RNPEP: variants seen among roughly 807,000 people sequenced by gnomAD.
RNPEP encodes the protein aminopeptidase B.
In RNPEP, 57 loss-of-function variants were observed where a neutral mutation model predicts 70.1. That is an observed-to-expected ratio of 0.81 (90% CI 0.66 to 1.01). RNPEP has a LOEUF of 1.01. Among genes scored for constraint, RNPEP ranks in the 50% least tolerant of loss-of-function variants. The pLI is 0.00. For missense variants in RNPEP, 787 were observed against 852.4 expected, an observed-to-expected ratio of 0.92 and a Z score of 0.96; for synonymous variants, 335 against 357.4, an observed-to-expected ratio of 0.94 and a Z score of 0.71.
At chr1:201,995,510 C>T (rs946027398) in intron 3 of RNPEP, among the ~76,000 whole-genome samples, 1 of 148,780 alleles carries the variant, frequency 6.7e-6, no homozygotes. Context: ...TAGCGAAACC[C>T]TACCTCTACA....
In RNPEP at chr1:202,001,661, C is replaced by T; in HGVS notation, c.1320C>T (p.Ala440=). The part of the protein sequence containing the change: ...DQDQFDSFLK[A]YVHEFKFRSI... ...TAAAGAGCTTTCCCTCCTCACAGGC[C>T]TATGTGCATGAATTCAAATTCCGAA... Residue 440 remains alanine, a splice_region_variant and synonymous_variant, in exon 8 of 11, where the codon GCC becomes GCT. Coordinates refer to ENST00000295640, the MANE Select transcript of RNPEP (RefSeq NM_020216.4). 1 of 1,611,096 alleles carries T rather than the reference C, an allele frequency of 6.2e-7. No homozygotes were observed. The highest frequency in any genetic ancestry group is 1.1e-5 in the South Asian group (1 of 91,030).
chr1:201,989,285 A>C, intron 2 of RNPEP, 98 bp from the exon 3 acceptor site: 1 of 1,419,734 alleles, frequency 7.0e-7, no homozygotes, highest in Non-Finnish European at 9.7e-7. Context: ...ACTCCAGGCC[A>C]TTATCATCAC....
intron 3 of RNPEP, among the ~76,000 whole-genome samples, chr1:201,992,019 T>TCTCC (rs145553703): frequency 0.014 from 2,037 of 150,566 alleles, 58 homozygotes; most frequent in African/African-American, 0.047. Flanking sequence ...CTTGTGCCTT[T>TCTCC]CTCCCTCCCT....
chr1:201,986,354 C>T (rs747148880), intron 1 of RNPEP, among the ~76,000 whole-genome samples: 2 of 151,964 alleles, frequency 1.3e-5, no homozygotes, highest in Non-Finnish European at 2.9e-5. Flanking sequence ...CTTGACCTCC[C>T]GAAGTGCTGG....
rs1194963409 is a variant in RNPEP, at chr1:202,005,789, T to C, written c.*73T>C. ...GAATAATTGTTTGTTCCCAAATTCCTGTTCCCTGATCAACTTCCTGGAGTT... is the reference window on the plus strand; with the variant it reads ...GAATAATTGTTTGTTCCCAAATTCCCGTTCCCTGATCAACTTCCTGGAGTT... On this transcript the variant is annotated 3_prime_UTR_variant, in exon 11 of 11. Transcript: ENST00000295640. 47 of 1,541,494 alleles carry C rather than the reference T, an allele frequency of 3.0e-5. No homozygotes were observed. The highest frequency in any genetic ancestry group is 4.1e-5 in the Non-Finnish European group (46 of 1,119,102).
intron 8 of RNPEP, among the ~76,000 whole-genome samples, chr1:202,002,373 G>A (rs1030307103): frequency 1.4e-4 from 21 of 152,140 alleles, no homozygotes; most frequent in African/African-American, 4.8e-4. Flanking sequence ...TGTTGGTCAG[G>A]CTGGTCTCGA....
chr1:201,999,924 G>A lies in RNPEP; in HGVS notation c.1113G>A (p.Glu371=). 6.2e-7 allele frequency: 1 copy of A among 1,613,814 alleles called. No homozygotes were observed. Among genetic ancestry groups the A allele is most frequent in the Non-Finnish European group, 8.5e-7 (1 of 1,179,860 alleles). The stretch of plus-strand genomic sequence containing the variant: ...CAGGCGCTGCGTACACCTGCTTGGA[G>A]GCTGCAACGGGGCGGGCTCTGCTGC... ...ILFGAAYTCL[E]AATGRALLRQ... The change falls in exon 6 of 11, where the codon GAG becomes GAA. Residue 371 remains glutamate, a synonymous_variant. Coordinates refer to ENST00000295640, the MANE Select transcript of RNPEP (RefSeq NM_020216.4).
chr1:202,001,372 C>G lies in RNPEP; in HGVS notation c.1205-4C>G, dbSNP rs200993671. ...CAAATCTTGTCTGCTTTCTCCTCTGCCAGGCGTTGACCCGGACGACACCTA... is the reference window on the plus strand; with the variant it reads ...CAAATCTTGTCTGCTTTCTCCTCTGGCAGGCGTTGACCCGGACGACACCTA... On this transcript the variant is annotated splice_region_variant and splice_polypyrimidine_tract_variant and intron_variant, in intron 6 of 10. Transcript: ENST00000295640. The G allele has an allele frequency of 2.9e-5, 47 of 1,605,112 alleles. No individual in the cohort carries two copies. The East Asian group carries it at 8.0e-4, about 27-fold the overall frequency.
rs531873393 is a variant in RNPEP at position 201,989,135 on chromosome 1, T to C, written c.588+91T>C. 1.3e-3 allele frequency: 1,916 copies of C among 1,486,718 alleles called. 3 individuals carry two copies. Among genetic ancestry groups the C allele is most frequent in the Admixed American group, 2.2e-3 (105 of 48,466 alleles). The allele number at this position is 1,486,718 out of a possible 1,614,324, so 92.1% of individuals were successfully genotyped here. A position where few individuals can be genotyped will look rare whatever the true frequency, so the allele number is the denominator to read the frequency against. The stretch of plus-strand genomic sequence containing the variant: ...AGGTCACGTTTCAGTGGTAAATTAT[T>C]ATATCCATTCAGTGGTACTTCTGAA... On this transcript the variant is annotated intron_variant, in intron 2 of 10. Coordinates refer to ENST00000295640, the MANE Select transcript of RNPEP (RefSeq NM_020216.4).
chr1:201,983,219 C>A, intron 1 of RNPEP, 106 bp downstream of exon 1: 2 of 1,423,594 alleles, frequency 1.4e-6, no homozygotes, highest in Non-Finnish European at 1.8e-6. Flanking sequence ...AGGGAGGACC[C>A]TTCCAGAGCG....
chr1:202,004,613 C>A, intron 10 of RNPEP, 117 bp downstream of exon 10: 2 of 1,267,740 alleles, frequency 1.6e-6, no homozygotes, highest in Non-Finnish European at 2.2e-6. Context: ...GAGGGAGGGG[C>A]AAATGACCTG....
At chr1:201,988,839 C>A in intron 1 of RNPEP, 65 bp from the exon 2 acceptor site, 2 of 1,527,050 alleles carry the variant, frequency 1.3e-6, no homozygotes, top group Admixed American at 2.1e-5. Flanking sequence ...AGCCAGCTCA[C>A]TTCTCTGGCC....
In RNPEP at chr1:201,989,393, G is replaced by A. The variant is rs1683242247; in HGVS notation, c.599G>A (p.Gly200Asp). The A allele has an allele frequency of 6.2e-7, 1 of 1,613,992 alleles. No homozygotes were observed. Among genetic ancestry groups the A allele is most frequent in the Non-Finnish European group, 8.5e-7 (1 of 1,179,986 alleles). The change falls in exon 3 of 11, where the codon GGC (glycine) becomes GAC (aspartate). Residue 200 changes from glycine to aspartate, a missense_variant. Transcript: ENST00000295640. The stretch of plus-strand genomic sequence containing the variant: ...TTTCTCTGTTGTCAGGTCCCAGATG[G>A]CTTCACAGCTGTGATGAGTGCTAGC... The part of the protein sequence containing the change: ...KYSALIEVPD[G>D]FTAVMSASTW...
intron 1 of RNPEP, among the ~76,000 whole-genome samples, chr1:201,988,517 T>C (rs1683214553): frequency 6.6e-6 from 1 of 151,898 alleles, no homozygotes; most frequent in Non-Finnish European, 1.5e-5. Flanking sequence ...TGAGTTCTGC[T>C]TTTCTGTGTC....
chr1:201,982,761 G>T lies in RNPEP; in HGVS notation c.95G>T (p.Arg32Leu). 7.3e-7 allele frequency: 1 copy of T among 1,366,198 alleles called. No individual in the cohort carries two copies. Among genetic ancestry groups the T allele is most frequent in the Admixed American group, 3.9e-5 (1 of 25,364 alleles). The allele number at this position is 1,366,198 out of a possible 1,614,324, so 84.6% of individuals were successfully genotyped here. A position where few individuals can be genotyped will look rare whatever the true frequency, so the allele number is the denominator to read the frequency against. The change falls in exon 1 of 11, where the codon CGG (arginine) becomes CTG (leucine). Residue 32 changes from arginine to leucine, a missense_variant. Coordinates refer to ENST00000295640, the MANE Select transcript of RNPEP (RefSeq NM_020216.4). ...GACGTGGCCTCGGCCTCCAACTTCC[G>T]GGCCTTTGAGCTGCTGCACTTGCAC... is the stretch of plus-strand genomic sequence containing the variant. ...AVDVASASNF[R>L]AFELLHLHLD...
In RNPEP at chr1:202,005,713, T is replaced by C; in HGVS notation, c.1950T>C (p.Ser650=). 1 of 1,614,192 alleles carries C rather than the reference T, an allele frequency of 6.2e-7. No individual in the cohort carries two copies. Among genetic ancestry groups the C allele is most frequent in the African/African-American group, 1.3e-5 (1 of 75,074 alleles). The part of the protein sequence containing the change: ...YVQQIVAPKG[S] ...AGCAGATCGTGGCACCCAAGGGCAG[T>C]TAGAGGCTCGTGTGCATGGCCCCTG... is the stretch of plus-strand genomic sequence containing the variant. Residue 650 remains serine (S), a synonymous_variant, in exon 11 of 11, where the codon AGT becomes AGC. Transcript: ENST00000295640.
chr1:201,985,877 G>A (rs1014214831), intron 1 of RNPEP, among the ~76,000 whole-genome samples: 30 of 152,024 alleles, frequency 2.0e-4, no homozygotes, highest in Admixed American at 9.2e-4. Context: ...TATCCTCTTG[G>A]GACTGTGACA....
chr1:201,996,289 T>A lies in RNPEP; in HGVS notation c.854+26T>A, dbSNP rs769028174. On this transcript the variant is annotated intron_variant, in intron 4 of 10. Transcript: ENST00000295640. ...GTGTGGTATCACATTGACTCTAGTG[T>A]CTCCTGTTAAACTGAGTCACTGGCT... 28 of 1,461,132 alleles carry A rather than the reference T, an allele frequency of 1.9e-5. No homozygotes were observed. The African/African-American group carries it at 3.2e-4, about 17-fold the overall frequency. The allele number at this position is 1,461,132 out of a possible 1,614,324, so 90.5% of individuals were successfully genotyped here.
At chr1:202,005,421 C>G in intron 10 of RNPEP, 137 bp from the exon 11 acceptor site, 1 of 921,196 alleles carries the variant, frequency 1.1e-6, no homozygotes, top group Middle Eastern at 3.5e-4. Context: ...TGATGAGAAG[C>G]TCCTCATTCC....
Sources: allele counts gnomAD v4.1 joint callset (sites outside exome capture counted in the v4.1 genomes callset), GRCh38; gene constraint gnomAD v4.1.1; transcripts MANE v1.5; gene names NCBI Gene and HGNC (gene_info 2026-07-23, HGNC 2026-07-21).